PTPRD: variants seen among roughly 807,000 people sequenced by gnomAD.
The protein encoded by PTPRD is receptor-type tyrosine-protein phosphatase delta.
Under a neutral mutation model 214.5 loss-of-function variants are expected in PTPRD, and 34 were observed. The ratio of observed to expected loss-of-function variants is 0.16; its 90% CI spans 0.12 to 0.21. The LOEUF (loss-of-function observed/expected upper bound fraction) is 0.21, where lower values mean the gene tolerates loss of function less well. Among genes scored for constraint, PTPRD ranks in the 10% least tolerant of loss-of-function variants. PTPRD has a pLI of 1.00. For synonymous variants in PTPRD, 1,128 were observed against 845.7 expected (o/e 1.33, Z -5.79); for missense variants, 2,545 against 2,398.7 (o/e 1.06, Z -1.27).
At chr9:8,522,297 G>A (rs1202907120) in intron 19 of PTPRD, among the ~76,000 whole-genome samples, 1 of 152,244 alleles carries the variant, frequency 6.6e-6, no homozygotes, top group East Asian at 1.9e-4. Flanking sequence ...AATGACCGCA[G>A]AAGAAATAAG....
intron 10 of PTPRD, among the ~76,000 whole-genome samples, chr9:9,074,290 AGAG>A (rs948469847): frequency 2.1e-4 from 32 of 152,268 alleles, no homozygotes; most frequent in African/African-American, 7.0e-4. Flanking sequence ...ATAATTGAAA[AGAG>A]ATAAGGAGTA....
chr9:8,934,478 A>ATAT (rs2098979878), intron 11 of PTPRD, among the ~76,000 whole-genome samples: 1 of 8,472 alleles, frequency 1.2e-4, no homozygotes, highest in Non-Finnish European at 2.2e-4. Flanking sequence ...TATATATATA[A>ATAT]ATATATATAT....
intron 11 of PTPRD, among the ~76,000 whole-genome samples, chr9:8,817,992 G>A (rs781572031): frequency 2.6e-5 from 4 of 152,118 alleles, no homozygotes; most frequent in African/African-American, 4.8e-5. Context: ...TACAACCTGA[G>A]CTTCCAAATT....
At chr9:9,463,319 G>C (rs1029409308) in intron 8 of PTPRD, among the ~76,000 whole-genome samples, 1 of 152,118 alleles carries the variant, frequency 6.6e-6, no homozygotes, top group African/African-American at 2.4e-5. Context: ...AGCAAGGACA[G>C]GCTACATTAA....
At chr9:9,967,433 T>C (rs1242490568) in intron 4 of PTPRD, among the ~76,000 whole-genome samples, 8 of 152,290 alleles carry the variant, frequency 5.3e-5, no homozygotes, top group East Asian at 1.9e-4. Context: ...GTTCTGTCTA[T>C]TAAGGATAGT....
At chr9:10,378,062 C>T (rs1011860064) in intron 2 of PTPRD, among the ~76,000 whole-genome samples, 2 of 152,046 alleles carry the variant, frequency 1.3e-5, no homozygotes, top group African/African-American at 4.8e-5. Flanking sequence ...CACATCCTCT[C>T]CAGCATTTGT....
intron 26 of PTPRD, among the ~76,000 whole-genome samples, chr9:8,496,413 G>A (rs189970044): frequency 6.6e-6 from 1 of 152,152 alleles, no homozygotes; most frequent in African/African-American, 2.4e-5. Flanking sequence ...AAACTTTTCA[G>A]AACTTTACTC....
intron 14 of PTPRD, among the ~76,000 whole-genome samples, chr9:8,554,018 C>G (rs1340210812): frequency 6.6e-6 from 1 of 152,132 alleles, no homozygotes; most frequent in African/African-American, 2.4e-5. Context: ...GAAACCCTCT[C>G]TCTACTAAAG....
At chr9:10,132,341 G>A (rs2098898616) in intron 3 of PTPRD, among the ~76,000 whole-genome samples, 1 of 151,910 alleles carries the variant, frequency 6.6e-6, no homozygotes, top group Non-Finnish European at 1.5e-5. Flanking sequence ...TTCTCAGACA[G>A]AATGTAATTT....
chr9:9,641,953 G>A (rs1313622863), intron 7 of PTPRD, among the ~76,000 whole-genome samples: 2 of 151,934 alleles, frequency 1.3e-5, no homozygotes, highest in South Asian at 2.1e-4. Context: ...CTGCTATAAA[G>A]ACACATGCAC....
intron 9 of PTPRD, among the ~76,000 whole-genome samples, chr9:9,217,519 T>A (rs1043561624): frequency 2.0e-5 from 3 of 152,124 alleles, no homozygotes; most frequent in Non-Finnish European, 2.9e-5. Flanking sequence ...CAGCATCCTC[T>A]CATCTGGGAG....
At chr9:9,511,516 G>A (rs960681234) in intron 8 of PTPRD, among the ~76,000 whole-genome samples, 2 of 151,404 alleles carry the variant, frequency 1.3e-5, no homozygotes, top group Non-Finnish European at 3.0e-5. Flanking sequence ...CAAAAATCTT[G>A]GTATCATTCT....
chr9:10,550,961 CA>C (rs1177051577), intron 2 of PTPRD, among the ~76,000 whole-genome samples: 3 of 152,182 alleles, frequency 2.0e-5, no homozygotes, highest in Non-Finnish European at 2.9e-5. Flanking sequence ...ACTGTACACA[CA>C]TTTCTAAACT....
chr9:8,954,198 A>G (rs915770957), intron 11 of PTPRD, among the ~76,000 whole-genome samples: 1 of 151,976 alleles, frequency 6.6e-6, no homozygotes, highest in African/African-American at 2.4e-5. Flanking sequence ...TTGCAGCAAC[A>G]TGCATGCAGC....
chr9:8,387,201 T>G (rs995887546), intron 37 of PTPRD, among the ~76,000 whole-genome samples: 3 of 152,158 alleles, frequency 2.0e-5, no homozygotes, highest in African/African-American at 7.2e-5. Flanking sequence ...AAACAGAGGT[T>G]CATTTAGTAA....
At chr9:8,680,359 C>T (rs562853811) in intron 12 of PTPRD, among the ~76,000 whole-genome samples, 26 of 152,278 alleles carry the variant, frequency 1.7e-4, no homozygotes, top group African/African-American at 6.3e-4. Context: ...AATTACATCT[C>T]TTCCAAGAAT....
chr9:9,781,877 C>T (rs2098846434), intron 5 of PTPRD, among the ~76,000 whole-genome samples: 1 of 151,678 alleles, frequency 6.6e-6, no homozygotes, highest in South Asian at 2.1e-4. Flanking sequence ...GCTGCAAGCT[C>T]CGCCTCCCGA....
chr9:9,062,465 T>C (rs1409514928), intron 10 of PTPRD, among the ~76,000 whole-genome samples: 1 of 152,162 alleles, frequency 6.6e-6, no homozygotes, highest in East Asian at 1.9e-4. Flanking sequence ...ATCACAAGTT[T>C]TCCTTGTATC....
intron 3 of PTPRD, among the ~76,000 whole-genome samples, chr9:10,090,352 G>C (rs1001216504): frequency 2.0e-5 from 3 of 151,406 alleles, no homozygotes; most frequent in Admixed American, 6.6e-5. Flanking sequence ...AGTAGAATTT[G>C]ATCATCAAAA....
Sources: gnomAD v4.1 joint callset for allele counts (sites outside exome capture counted in the v4.1 genomes callset) on GRCh38, gnomAD v4.1.1 for gene constraint, MANE v1.5 for transcripts, NCBI Gene and HGNC (gene_info 2026-07-23, HGNC 2026-07-21) for gene names.